The following SV2B variants were observed in gnomAD, a reference collection of about 807,000 sequenced individuals.
SV2B encodes the protein synaptic vesicle glycoprotein 2B, also known as solute carrier family 22 member B2.
In SV2B, 41 loss-of-function variants were observed where a neutral mutation model predicts 73.9. The ratio of observed to expected loss-of-function variants is 0.56; its 90% confidence interval spans 0.43 to 0.72. SV2B has a LOEUF of 0.72. Among genes scored for constraint, SV2B ranks in the 30% least tolerant of loss-of-function variants. SV2B has a pLI of 0.00. For synonymous variants in SV2B, 314 were observed against 314.2 expected, an observed-to-expected ratio of 1.00 and a Z score of 0.01; for missense variants, 764 against 857.8, an observed-to-expected ratio of 0.89 and a Z score of 1.37.
intron 10 of SV2B, among the ~76,000 whole-genome samples, chr15:91,282,900 C>G (rs1236198898): frequency 6.6e-6 from 1 of 152,108 alleles, no homozygotes; most frequent in African/African-American, 2.4e-5. Context: ...TAATGAGTTC[C>G]GGAAGTTTAA....
In SV2B at chr15:91,130,399, T is replaced by A. The variant is rs141532990; in HGVS notation, c.-392+30036T>A. Among the ~76,000 whole-genome samples, 1 of 152,128 alleles carries A rather than the reference T, an allele frequency of 6.6e-6. No individual in the cohort carries two copies. Among genetic ancestry groups the A allele is most frequent in the Non-Finnish European group, 1.5e-5 (1 of 68,026 alleles). On this transcript the variant is annotated intron_variant, in intron 1 of 12. Transcript: ENST00000394232. The surrounding 1 kb of genome is among the most constrained non-coding windows in gnomAD (Gnocchi z 5.6). ...GGGCTGAAGCATCATGTGGCAGAAG[T>A]GGCTGAAATCATCCAGGGAGACAGA...
chr15:91,139,806 G>A lies in SV2B; in HGVS notation c.-392+39443G>A, dbSNP rs140088067. Among the ~76,000 whole-genome samples the A allele has an allele frequency of 5.3e-4, 80 of 152,314 alleles. 1 individual carries two copies. Among genetic ancestry groups the A allele is most frequent in the African/African-American group, 1.4e-3 (59 of 41,566 alleles). On this transcript the variant is annotated intron_variant, in intron 1 of 12. Transcript: ENST00000394232. The surrounding 1 kb of genome is among the most constrained non-coding windows in gnomAD (Gnocchi z 5.2). The stretch of plus-strand genomic sequence containing the variant: ...GGAGGTACTCAGATAATTAACAGGC[G>A]TCAGTTGGTTGTAAAAGACGTAAAC...
intron 1 of SV2B, among the ~76,000 whole-genome samples, chr15:91,221,162 A>G (rs551742561): frequency 6.6e-6 from 1 of 152,172 alleles, no homozygotes; most frequent in African/African-American, 2.4e-5. Flanking sequence ...CCTCATGCCC[A>G]GACAATAATT....
rs571604196 is a variant in SV2B at position 91,253,542 on chromosome 15, G to A, written c.784+1022G>A. On this transcript the variant is annotated intron_variant, in intron 4 of 12. Coordinates refer to ENST00000394232, the MANE Select transcript of SV2B (RefSeq NM_001323032.3). This position sits in a 1 kb window ranked among gnomAD's most constrained non-coding sequence, Gnocchi z 5.0. ...CAAGCTGATAAACCCTGAAATCTCA[G>A]TGTTTTAACACAGTGAAAGCTTCTC... Among the ~76,000 whole-genome samples, 3 of 152,344 alleles carry A rather than the reference G, an allele frequency of 2.0e-5. No individual in the cohort carries two copies. The East Asian group carries it at 5.8e-4, about 29-fold the overall frequency.
rs369733693 is a variant in SV2B at position 91,130,751 on chromosome 15, C to T, written c.-392+30388C>T. Reference sequence around the variant, plus strand: ...AAAGAGGGGAGTGTGTGGCGGTGCACGGTTCAGTGAGTCCTTCAAGACGTT... The same window carrying T: ...AAAGAGGGGAGTGTGTGGCGGTGCATGGTTCAGTGAGTCCTTCAAGACGTT... On this transcript the variant is annotated intron_variant, in intron 1 of 12. Transcript: ENST00000394232. The surrounding 1 kb of genome is among the most constrained non-coding windows in gnomAD (Gnocchi z 5.6). Among the ~76,000 whole-genome samples the T allele has an allele frequency of 2.0e-4, 31 of 152,128 alleles. No individual in the cohort carries two copies. The highest frequency in any genetic ancestry group is 5.8e-4 in the African/African-American group (24 of 41,496).
At chr15:91,275,955 G>C (rs1446799346) in intron 9 of SV2B, among the ~76,000 whole-genome samples, 1 of 152,112 alleles carries the variant, frequency 6.6e-6, no homozygotes. Flanking sequence ...ATTTCTTGTA[G>C]TGAAATTATG....
Position 91,105,129 on chromosome 15 carries a change from A to G in SV2B, c.-392+4766A>G, listed in dbSNP as rs2041847120. Reference sequence around the variant, plus strand: ...ATTGAGTGGTCTCTATGTGCCAGGCATGTTATAGGAAGTAGACCCATCTCA... The same window carrying G: ...ATTGAGTGGTCTCTATGTGCCAGGCGTGTTATAGGAAGTAGACCCATCTCA... On this transcript the variant is annotated intron_variant, in intron 1 of 12. Transcript: ENST00000394232. The surrounding 1 kb of genome is among the most constrained non-coding windows in gnomAD (Gnocchi z 5.5). 6.6e-6 allele frequency among the ~76,000 whole-genome samples: 1 copy of G among 152,182 alleles called. No homozygotes were observed. The highest frequency in any genetic ancestry group is 1.5e-5 in the Non-Finnish European group (1 of 68,030).
rs889838808 is a variant in SV2B, at chr15:91,177,670, C to T, written c.-391-48203C>T. Among the ~76,000 whole-genome samples, 14 of 124,946 alleles carry T rather than the reference C, an allele frequency of 1.1e-4. 1 individual carries two copies. The highest frequency in any genetic ancestry group is 9.6e-4 in the Admixed American group (13 of 13,506). 82.0% of individuals were successfully genotyped at this position (124,946 alleles called of 152,430 possible). A position where few individuals can be genotyped will look rare whatever the true frequency, so the allele number is the denominator to read the frequency against. ...TTTGAAGCAATTGTGAATGGGAGTT[C>T]ACTCATGATTTGGCTCTCTGTTTGT... On this transcript the variant is annotated intron_variant, in intron 1 of 12. Transcript: ENST00000394232.
intron 1 of SV2B, among the ~76,000 whole-genome samples, chr15:91,201,271 T>C (rs1033910871): frequency 2.6e-5 from 4 of 152,174 alleles, no homozygotes; most frequent in Admixed American, 6.5e-5. Context: ...GGGAACCTCA[T>C]TGGAATTTTA....
chr15:91,144,809 T>C (rs1264379154), intron 1 of SV2B, among the ~76,000 whole-genome samples: 2 of 152,168 alleles, frequency 1.3e-5, no homozygotes, highest in African/African-American at 4.8e-5. Context: ...GAGGGCTCTA[T>C]AATTAACTCC....
intron 1 of SV2B, among the ~76,000 whole-genome samples, chr15:91,167,048 C>A (rs192642372): frequency 3.9e-5 from 6 of 152,188 alleles, no homozygotes; most frequent in South Asian, 4.1e-4. Context: ...CTCCTGACCT[C>A]GTGATCCGCC....
rs2046684590 is a variant in SV2B, at chr15:91,234,046, C to A, written c.451+7332C>A. On this transcript the variant is annotated intron_variant, in intron 2 of 12. Transcript: ENST00000394232. This position sits in a 1 kb window ranked among gnomAD's most constrained non-coding sequence, Gnocchi z 5.6. ...AGAAATTCTGCATTTAATGTTGCAG[C>A]TTGTAGGGCTGGAAAAAACTCTACT... 1.3e-5 allele frequency among the ~76,000 whole-genome samples: 2 copies of A among 152,150 alleles called. No individual in the cohort carries two copies. Among genetic ancestry groups the A allele is most frequent in the Admixed American group, 1.3e-4 (2 of 15,274 alleles).
chr15:91,207,973 G>A (rs939156758), intron 1 of SV2B, among the ~76,000 whole-genome samples: 4 of 152,196 alleles, frequency 2.6e-5, no homozygotes, highest in Non-Finnish European at 4.4e-5. Context: ...CCTGCATCAG[G>A]GAAGAAGGGG....
chr15:91,291,328 CAAA>C (rs985229658), intron 12 of SV2B, among the ~76,000 whole-genome samples: 3 of 151,322 alleles, frequency 2.0e-5, no homozygotes, highest in African/African-American at 7.3e-5. Context: ...CTAAGACAAA[CAAA>C]AAAGACTGGG....
At position 91,280,381 on chromosome 15, in the gene SV2B, T is replaced by A. The variant is rs1351644780; in HGVS notation, c.1374-1347T>A. Among the ~76,000 whole-genome samples the A allele has an allele frequency of 6.6e-6, 1 of 152,214 alleles. No homozygotes were observed. Among genetic ancestry groups the A allele is most frequent in the Non-Finnish European group, 1.5e-5 (1 of 68,038 alleles). On this transcript the variant is annotated intron_variant, in intron 9 of 12. Transcript: ENST00000394232. This position sits in a 1 kb window ranked among gnomAD's most constrained non-coding sequence, Gnocchi z 5.8. Reference sequence around the variant, plus strand: ...ACTGTATTGTAGTTGCCTATTTGCTTGCACTTTTTTCCAATTAGACTGGAG... The same window carrying A: ...ACTGTATTGTAGTTGCCTATTTGCTAGCACTTTTTTCCAATTAGACTGGAG...
At chr15:91,134,448 G>A (rs1324955552) in intron 1 of SV2B, among the ~76,000 whole-genome samples, 1 of 152,168 alleles carries the variant, frequency 6.6e-6, no homozygotes, top group Non-Finnish European at 1.5e-5. Flanking sequence ...GATGGACAGA[G>A]CCACAAAGTA....
chr15:91,208,266 G>A (rs779969623), intron 1 of SV2B, among the ~76,000 whole-genome samples: 1 of 152,094 alleles, frequency 6.6e-6, no homozygotes, highest in Non-Finnish European at 1.5e-5. Context: ...AAAAACTGGT[G>A]TGTCTATACC....
chr15:91,276,796 A>ATTG (rs151067863), intron 9 of SV2B, among the ~76,000 whole-genome samples: 92 of 143,426 alleles, frequency 6.4e-4, no homozygotes, highest in East Asian at 2.2e-3. Context: ...TATTTATATT[A>ATTG]TTGTTGTTGT....
intron 1 of SV2B, among the ~76,000 whole-genome samples, chr15:91,205,168 G>A (rs1029733955): frequency 1.3e-5 from 2 of 152,032 alleles, no homozygotes; most frequent in African/African-American, 4.8e-5. Context: ...TAAAATGCAC[G>A]TGATTCCTTT....
Sources: allele counts gnomAD v4.1 joint callset (sites outside exome capture counted in the v4.1 genomes callset), GRCh38; gene constraint gnomAD v4.1.1; non-coding constraint Gnocchi (gnomAD v3.1); transcripts MANE v1.5; gene names NCBI Gene and HGNC (gene_info 2026-07-23, HGNC 2026-07-21).